The following TMEM163 variants were observed in gnomAD, a reference collection of about 807,000 sequenced individuals.
TMEM163 encodes transmembrane protein 163.
A neutral mutation model predicts 29.3 loss-of-function variants in TMEM163; 17 were observed. The ratio of observed to expected loss-of-function variants is 0.58; its 90% CI spans 0.40 to 0.87. The LOEUF is 0.87. Among genes scored for constraint, TMEM163 ranks in the 40% least tolerant of loss-of-function variants. The pLI is 0.00. For synonymous variants in TMEM163, 157 were observed against 160.6 expected, an observed-to-expected ratio of 0.98 and a Z score of 0.17; for missense variants, 303 against 381.5, an observed-to-expected ratio of 0.79 and a Z score of 1.71.
chr2:134,580,555 C>T (rs1283087830), intron 2 of TMEM163, among the ~76,000 whole-genome samples: 2 of 152,168 alleles, frequency 1.3e-5, no homozygotes, highest in Non-Finnish European at 2.9e-5. Context: ...CAAAGGATGT[C>T]AGTCTTTGAG....
chr2:134,464,713 C>G (rs2106473650), intron 6 of TMEM163, among the ~76,000 whole-genome samples: 1 of 152,192 alleles, frequency 6.6e-6, no homozygotes, highest in South Asian at 2.1e-4. Flanking sequence ...CAAGGACAAC[C>G]AGCCCACACC....
At chr2:134,666,100 TA>T (rs1325272946) in intron 2 of TMEM163, among the ~76,000 whole-genome samples, 1 of 152,018 alleles carries the variant, frequency 6.6e-6, no homozygotes, top group Non-Finnish European at 1.5e-5. Context: ...ATAGGAAGTT[TA>T]AAAAATCATA....
At chr2:134,716,223 G>A (rs1421309075) in intron 1 of TMEM163, among the ~76,000 whole-genome samples, 2 of 152,200 alleles carry the variant, frequency 1.3e-5, no homozygotes, top group Non-Finnish European at 2.9e-5. Context: ...AAGGGGATGG[G>A]AAGAATGATT....
chr2:134,466,424 C>T (rs1286530511), intron 5 of TMEM163, 199 bp from the exon 6 acceptor site: 7 of 556,722 alleles, frequency 1.3e-5, no homozygotes, highest in Non-Finnish European at 1.9e-5. Context: ...AACAGATAAT[C>T]CCAATTTATA....
At chr2:134,599,930 TAC>T (rs1172906549) in intron 2 of TMEM163, among the ~76,000 whole-genome samples, 1 of 150,940 alleles carries the variant, frequency 6.6e-6, no homozygotes, top group Admixed American at 6.6e-5. Context: ...CACACATATA[TAC>T]ACACACACAC....
chr2:134,689,110 G>GTTTT (rs5834423), intron 2 of TMEM163, among the ~76,000 whole-genome samples: 8 of 130,918 alleles, frequency 6.1e-5, no homozygotes, highest in African/African-American at 2.3e-4. Flanking sequence ...TTTTTGTTTT[G>GTTTT]TTTTTTTTTT....
At chr2:134,503,115 A>G in intron 4 of TMEM163, 118 bp from the exon 5 acceptor site, 1 of 995,100 alleles carries the variant, frequency 1.0e-6, no homozygotes, top group South Asian at 1.6e-5. Context: ...AATTTGCCAC[A>G]CCCCCAGGGT....
chr2:134,547,954 C>T (rs998094315), intron 4 of TMEM163, among the ~76,000 whole-genome samples: 1 of 152,162 alleles, frequency 6.6e-6, no homozygotes, highest in Non-Finnish European at 1.5e-5. Flanking sequence ...AGAAAAGCCA[C>T]AATTATTCGT....
intron 2 of TMEM163, among the ~76,000 whole-genome samples, chr2:134,630,208 A>T (rs1682935627): frequency 6.6e-6 from 1 of 152,138 alleles, no homozygotes; most frequent in Admixed American, 6.5e-5. Context: ...AATAGGAATA[A>T]TAATTATACA....
intron 2 of TMEM163, among the ~76,000 whole-genome samples, chr2:134,597,277 A>T (rs958450470): frequency 1.4e-4 from 22 of 152,300 alleles, no homozygotes; most frequent in African/African-American, 5.3e-4. Flanking sequence ...TATTATTTTG[A>T]GATACGTCCT....
intron 5 of TMEM163, among the ~76,000 whole-genome samples, chr2:134,500,801 C>G (rs1679681081): frequency 6.6e-6 from 1 of 151,842 alleles, no homozygotes; most frequent in South Asian, 2.1e-4. Context: ...AAAAGTAAAA[C>G]AGAGGATTCC....
At chr2:134,642,804 T>C (rs1320145822) in intron 2 of TMEM163, among the ~76,000 whole-genome samples, 1 of 152,094 alleles carries the variant, frequency 6.6e-6, no homozygotes, top group Non-Finnish European at 1.5e-5. Context: ...TTTGAAAATA[T>C]TACAAATGCA....
rs10639023 is a variant in TMEM163 at position 134,511,153 on chromosome 2, CG to C, written c.459-8157del. 7.8e-3 allele frequency among the ~76,000 whole-genome samples: 951 copies of C among 122,420 alleles called. 49 individuals are homozygous for C. Among genetic ancestry groups the C allele is most frequent in the African/African-American group, 0.032 (862 of 27,072 alleles). 80.3% of individuals were successfully genotyped at this position (122,420 alleles called of 152,430 possible). On this transcript the variant is annotated intron_variant, in intron 4 of 7. Transcript: ENST00000281924. ...AAGCAGAAAAAAGGGGAGAACAAGG[CG>C]GGGGGGGGTGCTGTTACTTTATATC...
intron 5 of TMEM163, among the ~76,000 whole-genome samples, 197 bp downstream of exon 5, chr2:134,502,704 A>G (rs1037386185): frequency 6.6e-6 from 1 of 152,176 alleles, no homozygotes; most frequent in South Asian, 2.1e-4. Context: ...TAGCTCACCT[A>G]TCTGGAGTCT....
intron 2 of TMEM163, among the ~76,000 whole-genome samples, chr2:134,645,240 T>C (rs1480887400): frequency 6.6e-6 from 1 of 152,246 alleles, no homozygotes; most frequent in Non-Finnish European, 1.5e-5. Flanking sequence ...ACTTGCCATA[T>C]GACCCAGCAA....
chr2:134,521,304 T>A (rs1008176131), intron 4 of TMEM163, among the ~76,000 whole-genome samples: 9 of 152,070 alleles, frequency 5.9e-5, no homozygotes, highest in Admixed American at 3.9e-4. Context: ...GCCAGGAACT[T>A]TTTTTCTAAG....
intron 6 of TMEM163, among the ~76,000 whole-genome samples, chr2:134,462,685 C>A (rs1686572844): frequency 6.6e-6 from 1 of 152,228 alleles, no homozygotes; most frequent in African/African-American, 2.4e-5. Context: ...ATTAGAAAAG[C>A]AGCCTTATTG....
intron 2 of TMEM163, among the ~76,000 whole-genome samples, chr2:134,663,364 C>A (rs978212571): frequency 2.0e-5 from 3 of 152,182 alleles, no homozygotes; most frequent in African/African-American, 7.2e-5. Flanking sequence ...ACATGCGGGA[C>A]AGAATTCAGT....
Position 134,471,346 on chromosome 2 carries a change from C to A in TMEM163, c.556-5121G>T, listed in dbSNP as rs564764949. Reference sequence around the variant, plus strand: ...GGGGACCTCATAATGAGACTAGTACCCTTATAAGAAAACAGAAGATCTTTT... The same window carrying A: ...GGGGACCTCATAATGAGACTAGTACACTTATAAGAAAACAGAAGATCTTTT... On this transcript the variant is annotated intron_variant, in intron 5 of 7. Transcript: ENST00000281924. Among the ~76,000 whole-genome samples the A allele has an allele frequency of 2.6e-5, 4 of 152,128 alleles. No homozygotes were observed. In the South Asian group the frequency reaches 8.3e-4, roughly 32 times the overall value.
Sources: allele counts gnomAD v4.1 joint callset (sites outside exome capture counted in the v4.1 genomes callset), GRCh38; gene constraint gnomAD v4.1.1; transcripts MANE v1.5; gene names NCBI Gene and HGNC (gene_info 2026-07-23, HGNC 2026-07-21).